Variants in ANXA9 observed in about 807,000 individuals in gnomAD.
The protein encoded by ANXA9 is annexin A9.
A neutral mutation model predicts 51.8 loss-of-function variants in ANXA9; 47 were observed. The observed-to-expected ratio is 0.91, with a 90% CI of 0.72 to 1.16. ANXA9 has a LOEUF of 1.16. Ranked by LOEUF, ANXA9 falls within the 50% of genes most tolerant of loss-of-function variation. The pLI, the probability that ANXA9 is intolerant of heterozygous loss-of-function variation, is 0.00. For synonymous variants in ANXA9, 154 were observed against 168.7 expected (o/e 0.91, Z 0.68); for missense variants, 361 against 424.7 (o/e 0.85, Z 1.32).
Position 150,984,000 on chromosome 1 carries a change from C to A in ANXA9, c.198C>A (p.Asp66Glu). ...GCGTGGACCGCAGTGCCATTGTGGA[C>A]GTGCTGACCAACCGGAGCAGAGAGC... ...GQGVDRSAIVDVLTNRSREQR... is the reference protein window; with the variant it reads ...GQGVDRSAIVEVLTNRSREQR... The change falls in exon 5 of 14, where the codon GAC (aspartate) becomes GAA (glutamate). Residue 66 changes from aspartate to glutamate, a missense_variant. Transcript: ENST00000368947. The A allele has an allele frequency of 1.2e-6, 2 of 1,612,684 alleles. No individual in the cohort carries two copies. The highest frequency in any genetic ancestry group is 8.5e-7 in the Non-Finnish European group (1 of 1,179,630).
intron 12 of ANXA9, among the ~76,000 whole-genome samples, chr1:150,989,709 A>T (rs916315444): frequency 6.6e-6 from 1 of 152,146 alleles, no homozygotes; most frequent in Non-Finnish European, 1.5e-5. Flanking sequence ...ATTTTGGCAG[A>T]TGGAATAGCT....
intron 7 of ANXA9, 48 bp downstream of exon 7, chr1:150,984,724 G>C (rs768583262): frequency 2.0e-6 from 3 of 1,520,362 alleles, no homozygotes; most frequent in African/African-American, 1.4e-5. Flanking sequence ...AGGGGCTGTA[G>C]GACAGGCCAC....
chr1:150,986,456 C>G, intron 8 of ANXA9, 41 bp downstream of exon 8: 2 of 1,604,238 alleles, frequency 1.2e-6, no homozygotes, highest in Non-Finnish European at 1.7e-6. Flanking sequence ...TCACGTTCAC[C>G]AGGCAAGGAG....
chr1:150,983,260 G>T, intron 3 of ANXA9, 78 bp from the exon 4 acceptor site: 2 of 1,598,324 alleles, frequency 1.3e-6, no homozygotes, highest in Non-Finnish European at 1.7e-6. Context: ...GGAAAGTGGA[G>T]GACAGGCCCT....
rs1671605422 is a variant in ANXA9, at chr1:150,987,856, C to T, written c.613-16C>T. On this transcript the variant is annotated splice_polypyrimidine_tract_variant and intron_variant, in intron 9 of 13. Transcript: ENST00000368947. ...GATCCTGATTGACTCCTCCCTGACTCATTCCTCCCTCCTAGGCACTGCAGC... is the reference window on the plus strand; with the variant it reads ...GATCCTGATTGACTCCTCCCTGACTTATTCCTCCCTCCTAGGCACTGCAGC... 1.2e-6 allele frequency: 2 copies of T among 1,611,408 alleles called. No individual in the cohort carries two copies. The highest frequency in any genetic ancestry group is 1.7e-6 in the Non-Finnish European group (2 of 1,178,300).
In ANXA9 at chr1:150,986,359, G is replaced by C; in HGVS notation, c.496G>C (p.Asp166His). The change falls in exon 8 of 14, where the codon GAC (aspartate) becomes CAC (histidine). Residue 166 changes from aspartate to histidine, a missense_variant. Transcript: ENST00000368947. ...AGATTTCCAGGTGGAGGCTGTGGAT[G>C]ACATCACATCTGAGACCAGTGGCAT... ...KHNFQVEAVD[D>H]ITSETSGILQ... The C allele has an allele frequency of 6.2e-7, 1 of 1,614,142 alleles. No individual in the cohort carries two copies. The highest frequency in any genetic ancestry group is 2.2e-5 in the East Asian group (1 of 44,886).
Position 150,986,605 on chromosome 1 carries a change from G to T in ANXA9, c.556G>T (p.Gly186Cys). 3 of 1,606,656 alleles carry T rather than the reference G, an allele frequency of 1.9e-6. No homozygotes were observed. The highest frequency in any genetic ancestry group is 2.5e-6 in the Non-Finnish European group (3 of 1,177,992). The change falls in exon 9 of 14, where the codon GGC (glycine) becomes TGC (cysteine). Residue 186 changes from glycine (G) to cysteine (C), a missense_variant. By Grantham distance (159) the Gly-to-Cys change is radical. Transcript: ENST00000368947. ...TAAGAACAGTTTCTCCTCCTAGGGG[G>T]GCCGTGACAGCTACTCTGGAATCAT... ...QDLLLALAKG[G>C]RDSYSGIIDY...
upstream of ANXA9, among the ~76,000 whole-genome samples, chr1:150,978,397 T>G (rs1671369327): frequency 6.6e-6 from 1 of 152,144 alleles, no homozygotes; most frequent in Admixed American, 6.5e-5. Flanking sequence ...ACCACTGCAC[T>G]CCAGCCTGGG....
intron 12 of ANXA9, among the ~76,000 whole-genome samples, chr1:150,992,699 T>C (rs587742089): frequency 2.6e-4 from 39 of 152,238 alleles, no homozygotes; most frequent in African/African-American, 9.4e-4. Flanking sequence ...TCCCAGCTGC[T>C]TGGGAGGCTG....
rs1671558071 is a variant in ANXA9, at chr1:150,986,385, C to T, written c.522C>T (p.Ile174=). ...ACATCACATCTGAGACCAGTGGCATCTTGCAGGACCTGCTGTTGGCCCTGG... is the reference window on the plus strand; with the variant it reads ...ACATCACATCTGAGACCAGTGGCATTTTGCAGGACCTGCTGTTGGCCCTGG... ...VDDITSETSG[I]LQDLLLALAK... is the part of the protein sequence containing the mutation. The change falls in exon 8 of 14, where the codon ATC becomes ATT. Residue 174 remains isoleucine (I), a synonymous_variant. Coordinates refer to ENST00000368947, the MANE Select transcript of ANXA9 (RefSeq NM_003568.3). The T allele has an allele frequency of 1.2e-6, 2 of 1,614,026 alleles. No homozygotes were observed. The highest frequency in any genetic ancestry group is 1.7e-5 in the Admixed American group (1 of 60,006).
At chr1:150,981,609 C>G (rs1435458689), upstream of ANXA9, among the ~76,000 whole-genome samples, 1 of 152,226 alleles carries the variant, frequency 6.6e-6, no homozygotes, top group Admixed American at 6.5e-5. Flanking sequence ...AGAAACCAGG[C>G]AAGGGAGCCT....
At position 150,983,964 on chromosome 1, in the gene ANXA9, T is replaced by C; in HGVS notation, c.173-11T>C. The stretch of plus-strand genomic sequence containing the variant: ...GACCCTGCTCACAGCACAGCCCTCA[T>C]CTCGGTTCAGGCGTGGACCGCAGTG... On this transcript the variant is annotated splice_polypyrimidine_tract_variant and intron_variant, in intron 4 of 13. Transcript: ENST00000368947. The C allele has an allele frequency of 6.2e-7, 1 of 1,610,440 alleles. No individual in the cohort carries two copies. The highest frequency in any genetic ancestry group is 1.1e-5 in the South Asian group (1 of 90,266).
At chr1:150,979,341 G>A (rs1418131870), upstream of ANXA9, among the ~76,000 whole-genome samples, 2 of 151,880 alleles carry the variant, frequency 1.3e-5, no homozygotes, top group Non-Finnish European at 2.9e-5. Flanking sequence ...AAATCTGCTG[G>A]GCAGGTAGCC....
chr1:150,983,530 A>G, intron 4 of ANXA9, 96 bp downstream of exon 4: 1 of 1,222,906 alleles, frequency 8.2e-7, no homozygotes, highest in South Asian at 1.4e-5. Context: ...TGTTGGAGAA[A>G]TGTTTGTGGA....
chr1:150,979,941 A>G (rs1382271982), upstream of ANXA9, among the ~76,000 whole-genome samples: 1 of 152,198 alleles, frequency 6.6e-6, no homozygotes, highest in Non-Finnish European at 1.5e-5. Flanking sequence ...GAGGAAACTG[A>G]GCACAGAATA....
intron 12 of ANXA9, among the ~76,000 whole-genome samples, chr1:150,992,275 C>A (rs975688617): frequency 6.6e-5 from 10 of 152,086 alleles, no homozygotes; most frequent in African/African-American, 2.4e-4. Context: ...TTAGGCCAGG[C>A]ATGGTGGCTC....
intron 7 of ANXA9, among the ~76,000 whole-genome samples, chr1:150,985,190 TCA>T (rs768559320): frequency 0.044 from 6,458 of 146,640 alleles, 142 homozygotes; most frequent in Non-Finnish European, 0.052. Flanking sequence ...TCTCTCTCTC[TCA>T]CACACACACA....
intron 12 of ANXA9, among the ~76,000 whole-genome samples, chr1:150,993,786 C>T: frequency 6.6e-6 from 1 of 151,786 alleles, no homozygotes. Flanking sequence ...AGGCACCCAC[C>T]ACCATGCCTG....
At chr1:150,978,855 T>C (rs587732273), upstream of ANXA9, among the ~76,000 whole-genome samples, 5 of 151,920 alleles carry the variant, frequency 3.3e-5, no homozygotes, top group Non-Finnish European at 5.9e-5. Context: ...TCCCAGCTAC[T>C]CAGGAGGTTG....
Sources: gnomAD v4.1 joint callset for allele counts (sites outside exome capture counted in the v4.1 genomes callset) on GRCh38, gnomAD v4.1.1 for gene constraint, MANE v1.5 for transcripts, NCBI Gene and HGNC (gene_info 2026-07-23, HGNC 2026-07-21) for gene names.